USP46: variants seen among roughly 807,000 people sequenced by gnomAD.
USP46 encodes the protein ubiquitin specific peptidase 46.
A neutral mutation model predicts 44.4 loss-of-function variants in USP46; 12 were observed. The observed-to-expected ratio is 0.27, with a 90% CI of 0.17 to 0.44. The LOEUF is 0.44. Ranked by LOEUF, USP46 falls within the 20% of genes least tolerant of loss-of-function variation. USP46 has a pLI of 1.00. For missense variants in USP46, 248 were observed against 444.8 expected, an observed-to-expected ratio of 0.56 and a Z score of 3.98; for synonymous variants, 155 against 161.5, an observed-to-expected ratio of 0.96 and a Z score of 0.31.
intron 4 of USP46, among the ~76,000 whole-genome samples, chr4:52,621,553 G>A (rs886212896): frequency 1.3e-5 from 2 of 152,092 alleles, no homozygotes; most frequent in African/African-American, 4.8e-5. Context: ...CTACTCCAGA[G>A]GCTGAGACAG....
chr4:52,642,872 G>T (rs1048257699), intron 1 of USP46, among the ~76,000 whole-genome samples: 1 of 152,258 alleles, frequency 6.6e-6, no homozygotes, highest in African/African-American at 2.4e-5. Flanking sequence ...GAAATAATGT[G>T]CAATCTTTAC....
intron 2 of USP46, among the ~76,000 whole-genome samples, chr4:52,629,341 T>A (rs1458089639): frequency 6.6e-6 from 1 of 152,178 alleles, no homozygotes; most frequent in African/African-American, 2.4e-5. Flanking sequence ...AAAGGGAACA[T>A]AAATGAAGCT....
Position 52,656,440 on chromosome 4 carries a change from G to A in USP46, c.36+2675C>T, listed in dbSNP as rs761491051. ...CTGGGAGGGACAGTGGGGGCGGTGG[G>A]TGGGGGATTGACCTGAGCAGGGGGC... On this transcript the variant is annotated intron_variant, in intron 1 of 8. Transcript: ENST00000441222. The A allele has an allele frequency of 1.1e-5, 15 of 1,380,364 alleles. 1 individual carries two copies. Among genetic ancestry groups the A allele is most frequent in the South Asian group, 1.5e-5 (1 of 65,644 alleles). The allele number at this position is 1,380,364 out of a possible 1,614,324, so 85.5% of individuals were successfully genotyped here.
intron 1 of USP46, among the ~76,000 whole-genome samples, chr4:52,639,359 C>T (rs1436157103): frequency 2.0e-5 from 3 of 152,254 alleles, no homozygotes; most frequent in Non-Finnish European, 2.9e-5. Context: ...GAGGATGCAG[C>T]GTGGGCCTGA....
In USP46 at chr4:52,593,001, C is replaced by A; in HGVS notation, c.*4639G>T. The A allele has an allele frequency of 5.0e-6, 2 of 398,496 alleles. No homozygotes were observed. The highest frequency in any genetic ancestry group is 8.8e-6 in the Non-Finnish European group (2 of 226,040). 24.7% of individuals were successfully genotyped at this position (398,496 alleles called of 1,614,324 possible). On this transcript the variant is annotated 3_prime_UTR_variant, in exon 9 of 9. Coordinates refer to ENST00000441222, the MANE Select transcript of USP46 (RefSeq NM_022832.4). ...CCTGTACAGCCCATAAAACCATGAG[C>A]CAATTAAACCTCTTTTCTTCAGAAA...
intron 1 of USP46, among the ~76,000 whole-genome samples, chr4:52,656,797 C>T (rs1718968121): frequency 6.6e-6 from 1 of 152,042 alleles, no homozygotes; most frequent in African/African-American, 2.4e-5. Flanking sequence ...TTTGGCGCTT[C>T]GGGAGGCTGA....
intron 1 of USP46, among the ~76,000 whole-genome samples, chr4:52,635,288 G>T (rs926072884): frequency 6.6e-6 from 1 of 152,142 alleles, no homozygotes; most frequent in Non-Finnish European, 1.5e-5. Flanking sequence ...TGGCAAGAAA[G>T]CCAAGCCAGT....
chr4:52,592,970 C>T lies in USP46; in HGVS notation c.*4670G>A. The stretch of plus-strand genomic sequence containing the variant: ...AAGTTTCCTGAGGCCTCCCCCAGAA[C>T]AGAAGCCTGTACAGCCCATAAAACC... On this transcript the variant is annotated 3_prime_UTR_variant, in exon 9 of 9. Transcript: ENST00000441222. 1 of 398,734 alleles carries T rather than the reference C, an allele frequency of 2.5e-6. No individual in the cohort carries two copies. The highest frequency in any genetic ancestry group is 1.3e-4 in the South Asian group (1 of 7,860). 24.7% of individuals were successfully genotyped at this position (398,734 alleles called of 1,614,324 possible).
chr4:52,639,616 C>T (rs1283487775), intron 1 of USP46, among the ~76,000 whole-genome samples: 1 of 152,196 alleles, frequency 6.6e-6, no homozygotes, highest in Non-Finnish European at 1.5e-5. Flanking sequence ...AGTCATATGG[C>T]CACACCTAGC....
chr4:52,615,534 C>T (rs1190291053), intron 4 of USP46, among the ~76,000 whole-genome samples: 1 of 152,126 alleles, frequency 6.6e-6, no homozygotes, highest in Non-Finnish European at 1.5e-5. Context: ...GAAGCTGGAA[C>T]ACTATTTCAC....
chr4:52,603,033 T>C (rs1577658910), intron 6 of USP46, among the ~76,000 whole-genome samples: 1 of 152,206 alleles, frequency 6.6e-6, no homozygotes, highest in East Asian at 1.9e-4. Context: ...TAATGCATAG[T>C]ATGTGAAAAA....
chr4:52,633,006 GAAA>G (rs1717972090), intron 1 of USP46, among the ~76,000 whole-genome samples: 1 of 119,044 alleles, frequency 8.4e-6, no homozygotes, highest in Non-Finnish European at 1.8e-5. Flanking sequence ...AAGAAAGAAA[GAAA>G]GAAAGAAAGA....
chr4:52,638,721 G>A (rs1040100407), intron 1 of USP46, among the ~76,000 whole-genome samples: 12 of 151,472 alleles, frequency 7.9e-5, no homozygotes, highest in South Asian at 2.1e-4. Flanking sequence ...CCAATACTGC[G>A]TTCTCAGTGG....
chr4:52,623,674 C>T (rs1013792191), intron 4 of USP46, among the ~76,000 whole-genome samples: 4 of 151,956 alleles, frequency 2.6e-5, no homozygotes, highest in African/African-American at 9.7e-5. Context: ...GCCTGTAATC[C>T]CAGCACTTTG....
chr4:52,646,989 G>A (rs868595364), intron 1 of USP46, among the ~76,000 whole-genome samples: 7 of 152,096 alleles, frequency 4.6e-5, no homozygotes, highest in Non-Finnish European at 8.8e-5. Context: ...TTAGGAAGTC[G>A]GTCCACAGAT....
At chr4:52,618,433 T>G (rs902303677) in intron 4 of USP46, among the ~76,000 whole-genome samples, 1 of 151,778 alleles carries the variant, frequency 6.6e-6, no homozygotes, top group African/African-American at 2.4e-5. Context: ...GAGGTTGCAG[T>G]AAGCCAAGAT....
At chr4:52,613,442 G>A (rs956217242) in intron 4 of USP46, among the ~76,000 whole-genome samples, 2 of 152,048 alleles carry the variant, frequency 1.3e-5, no homozygotes, top group Admixed American at 6.5e-5. Context: ...AACAGAATCC[G>A]GCCGGGTGTG....
chr4:52,658,808 C>G (rs1368445419), intron 1 of USP46, among the ~76,000 whole-genome samples: 3 of 152,074 alleles, frequency 2.0e-5, no homozygotes, highest in Non-Finnish European at 4.4e-5. Context: ...CGTTCAGGTT[C>G]GGTCGCTTCC....
At chr4:52,625,922 A>G in intron 4 of USP46, 96 bp downstream of exon 4, 2 of 1,210,910 alleles carry the variant, frequency 1.7e-6, no homozygotes, top group Non-Finnish European at 2.3e-6. Flanking sequence ...ACTGCAAATA[A>G]CTGCTAAATG....
Sources: allele counts gnomAD v4.1 joint callset (sites outside exome capture counted in the v4.1 genomes callset), GRCh38; gene constraint gnomAD v4.1.1; transcripts MANE v1.5; gene names NCBI Gene and HGNC (gene_info 2026-07-23, HGNC 2026-07-21).